CCDC141: variants seen among roughly 807,000 people sequenced by gnomAD.
CCDC141 encodes the protein coiled-coil domain-containing protein 141.
CCDC141 carries 168 observed loss-of-function variants against 181.0 expected under a neutral mutation model. The ratio of observed to expected loss-of-function variants is 0.93; its 90% CI spans 0.82 to 1.05. CCDC141 has a LOEUF of 1.05. CCDC141 is among the 50% of genes least tolerant of loss of function. CCDC141 has a pLI of 0.00. For missense variants in CCDC141, 1,902 were observed against 1,788.5 expected, an observed-to-expected ratio of 1.06 and a Z score of -1.14; for synonymous variants, 666 against 642.3, an observed-to-expected ratio of 1.04 and a Z score of -0.56.
intron 2 of CCDC141, among the ~76,000 whole-genome samples, chr2:179,041,491 G>GTTTTTTTTTTTTT (rs35229059): frequency 3.4e-5 from 2 of 58,898 alleles, no homozygotes; most frequent in Non-Finnish European, 2.9e-5. Context: ...TTGGTTGTGG[G>GTTTTTTTTTTTTT]TTTTTTTTTT....
chr2:178,961,392 A>G lies in CCDC141; in HGVS notation c.618T>C (p.Asn206=), dbSNP rs1440356559. The part of the protein sequence containing the change: ...EKFKCEGPNV[N]PELTQGAHSS... The stretch of plus-strand genomic sequence containing the variant: ...TATGAGCTCCCTGAGTCAACTCAGG[A>G]TTCACATTAGGTCCTTCACACTTGA... Residue 206 remains asparagine, a synonymous_variant, in exon 5 of 24, where the codon AAT becomes AAC. Transcript: ENST00000443758. The G allele has an allele frequency of 1.3e-6, 2 of 1,550,590 alleles. No individual in the cohort carries two copies. The highest frequency in any genetic ancestry group is 1.7e-6 in the Non-Finnish European group (2 of 1,146,944).
chr2:178,850,623 C>T (rs1282359637), intron 20 of CCDC141, among the ~76,000 whole-genome samples: 2 of 151,654 alleles, frequency 1.3e-5, no homozygotes, highest in Admixed American at 6.6e-5. Flanking sequence ...ATCCACACAG[C>T]AGCTGAGTAT....
chr2:179,004,596 A>G (rs1429560480), intron 2 of CCDC141, among the ~76,000 whole-genome samples: 1 of 152,198 alleles, frequency 6.6e-6, no homozygotes, highest in Non-Finnish European at 1.5e-5. Flanking sequence ...CAGAGTCAAG[A>G]TGAAGATGCC....
At chr2:178,825,450 C>T (rs1404641288), downstream of CCDC141, 1 of 152,094 alleles carries the variant, frequency 6.6e-6, no homozygotes, top group Non-Finnish European at 1.5e-5. Context: ...AAGCCCAGCT[C>T]AGCAATCCTG....
chr2:178,981,636 G>GTGTATATATATATATATATATA (rs1313433628), intron 2 of CCDC141, among the ~76,000 whole-genome samples: 143 of 62,342 alleles, frequency 2.3e-3, no homozygotes, highest in Middle Eastern at 0.017. Context: ...GTGTGTGTGT[G>GTGTATATATATATATATATATA]TATATATATA....
chr2:178,994,222 G>A (rs1331568965), intron 2 of CCDC141, among the ~76,000 whole-genome samples: 2 of 152,186 alleles, frequency 1.3e-5, no homozygotes, highest in Non-Finnish European at 2.9e-5. Context: ...TGACCTCCAT[G>A]AGGGCCCTGC....
At chr2:178,943,609 A>T (rs1689609993) in intron 6 of CCDC141, among the ~76,000 whole-genome samples, 1 of 152,040 alleles carries the variant, frequency 6.6e-6, no homozygotes, top group African/African-American at 2.4e-5. Flanking sequence ...TCTACTTACA[A>T]CTATCATAAT....
intron 6 of CCDC141, among the ~76,000 whole-genome samples, chr2:178,924,245 A>G (rs1688828086): frequency 6.6e-6 from 1 of 152,254 alleles, no homozygotes; most frequent in Non-Finnish European, 1.5e-5. Flanking sequence ...ATTACTGGCC[A>G]AAATCAAATC....
At chr2:178,994,882 G>A (rs1271211594) in intron 2 of CCDC141, among the ~76,000 whole-genome samples, 5 of 152,052 alleles carry the variant, frequency 3.3e-5, no homozygotes, top group East Asian at 1.9e-4. Context: ...TTGCTCAAAC[G>A]TAACAAAAGT....
At chr2:178,844,673 C>G (rs544440121) in intron 22 of CCDC141, among the ~76,000 whole-genome samples, 2 of 152,046 alleles carry the variant, frequency 1.3e-5, no homozygotes, top group African/African-American at 4.8e-5. Context: ...TGGAAAAGGA[C>G]CTATAAGAAA....
chr2:178,875,711 T>G (rs1290766833), intron 12 of CCDC141: 1 of 152,156 alleles, frequency 6.6e-6, no homozygotes, highest in African/African-American at 2.4e-5. Context: ...AGAAACAGAA[T>G]TTCATCAGTA....
intron 17 of CCDC141, among the ~76,000 whole-genome samples, chr2:178,862,711 A>C (rs1685674464): frequency 6.6e-6 from 1 of 152,240 alleles, no homozygotes; most frequent in African/African-American, 2.4e-5. Context: ...AAGGTTCTAC[A>C]ATTTCCTATG....
chr2:178,966,831 T>A (rs1274154675), intron 4 of CCDC141, among the ~76,000 whole-genome samples: 3 of 151,550 alleles, frequency 2.0e-5, no homozygotes, highest in East Asian at 1.9e-4. Flanking sequence ...TCTAACCCAA[T>A]GCAAGGAAGC....
chr2:178,953,972 A>T (rs1256789592), intron 5 of CCDC141, among the ~76,000 whole-genome samples: 1 of 152,222 alleles, frequency 6.6e-6, no homozygotes, highest in Non-Finnish European at 1.5e-5. Context: ...CTGCATGATT[A>T]TGATACACAT....
rs1355270526 is a variant in CCDC141, at chr2:178,833,068, T to C, written c.*1105A>G. The C allele has an allele frequency of 6.6e-6, 1 of 152,172 alleles. No individual in the cohort carries two copies. Among genetic ancestry groups the C allele is most frequent in the African/African-American group, 2.4e-5 (1 of 41,442 alleles). The allele number at this position is 152,172 out of a possible 1,614,324, so 9.4% of individuals were successfully genotyped here. A position where few individuals can be genotyped will look rare whatever the true frequency, so the allele number is the denominator to read the frequency against. On this transcript the variant is annotated 3_prime_UTR_variant, in exon 24 of 24. Transcript: ENST00000443758. The stretch of plus-strand genomic sequence containing the variant: ...CAAGTCTTTGAAAAGAATGCAGTCT[T>C]CAGAAATTAGATAGGAATTTAAGCT...
the CCDC141 span, among the ~76,000 whole-genome samples, chr2:178,819,291 A>T: frequency 6.6e-6 from 1 of 152,180 alleles, no homozygotes; most frequent in African/African-American, 2.4e-5. Flanking sequence ...GATACATTTA[A>T]TTGAACATCA....
intron 21 of CCDC141, among the ~76,000 whole-genome samples, chr2:178,848,359 T>A (rs1191525424): frequency 2.6e-5 from 4 of 151,720 alleles, no homozygotes; most frequent in Non-Finnish European, 5.9e-5. Flanking sequence ...TAAGGAAGAG[T>A]TTGTAGTAGA....
chr2:178,880,701 G>C (rs1320384473), intron 11 of CCDC141, among the ~76,000 whole-genome samples: 1 of 152,116 alleles, frequency 6.6e-6, no homozygotes, highest in African/African-American at 2.4e-5. Context: ...TTACAAAATG[G>C]GGATCATAGT....
intron 2 of CCDC141, among the ~76,000 whole-genome samples, chr2:179,015,611 T>TATGTATCTCAC (rs1559050242): frequency 8.1e-4 from 53 of 65,512 alleles, no homozygotes; most frequent in Non-Finnish European, 1.3e-3. Context: ...ATATATCTCA[T>TATGTATCTCAC]ATAGCTCATA....
Sources: allele counts gnomAD v4.1 joint callset (sites outside exome capture counted in the v4.1 genomes callset), GRCh38; gene constraint gnomAD v4.1.1; transcripts MANE v1.5; gene names NCBI Gene and HGNC (gene_info 2026-07-23, HGNC 2026-07-21).